Variants in TMEM178B observed in about 807,000 individuals in gnomAD.
TMEM178B encodes transmembrane protein 178B.
TMEM178B carries 5 observed loss-of-function variants against 31.0 expected under a neutral mutation model. The ratio of observed to expected loss-of-function variants is 0.16; its 90% CI spans 0.08 to 0.34. TMEM178B has a LOEUF of 0.34. Among genes scored for constraint, TMEM178B ranks in the 10% least tolerant of loss-of-function variants. TMEM178B has a pLI of 1.00. For synonymous variants in TMEM178B, 164 were observed against 164.0 expected, an observed-to-expected ratio of 1.00 and a Z score of 0.00; for missense variants, 275 against 400.3, an observed-to-expected ratio of 0.69 and a Z score of 2.67.
intron 1 of TMEM178B, among the ~76,000 whole-genome samples, chr7:141,112,304 G>A (rs113588989): frequency 0.016 from 2,429 of 152,192 alleles, 66 homozygotes; most frequent in African/African-American, 0.056. Flanking sequence ...TCATGCTAGA[G>A]TGCAATGGCA....
At chr7:141,311,538 T>C in intron 2 of TMEM178B, among the ~76,000 whole-genome samples, 1 of 152,248 alleles carries the variant, frequency 6.6e-6, no homozygotes, top group East Asian at 1.9e-4. Flanking sequence ...ACAAATTTGT[T>C]TCTCATCTTG....
intron 1 of TMEM178B, among the ~76,000 whole-genome samples, chr7:141,090,617 C>T (rs1357882046): frequency 6.6e-6 from 1 of 152,152 alleles, no homozygotes; most frequent in Non-Finnish European, 1.5e-5. Context: ...TCATGACTTT[C>T]AAAATGAGTG....
At chr7:141,146,279 C>T (rs1487009386) in intron 1 of TMEM178B, among the ~76,000 whole-genome samples, 6 of 152,180 alleles carry the variant, frequency 3.9e-5, no homozygotes, top group Non-Finnish European at 8.8e-5. Context: ...CCCAGAGGGC[C>T]TGTTACTTCC....
In TMEM178B at chr7:141,422,317, C is replaced by T. The variant is rs1342401603; in HGVS notation, c.497-15291C>T. ...TTGGGGTTCCTTTGGGAAAGCTTTG[C>T]AGGAATTGGTGTTGCACCATTGATT... On this transcript the variant is annotated intron_variant, in intron 2 of 3. Coordinates refer to ENST00000565468, the MANE Select transcript of TMEM178B (RefSeq NM_001195278.2). This position sits in a 1 kb window ranked among gnomAD's most constrained non-coding sequence, Gnocchi z 4.2. Among the ~76,000 whole-genome samples the T allele has an allele frequency of 1.3e-5, 2 of 152,186 alleles. No individual in the cohort carries two copies. Among genetic ancestry groups the T allele is most frequent in the Admixed American group, 1.3e-4 (2 of 15,284 alleles).
intron 3 of TMEM178B, among the ~76,000 whole-genome samples, chr7:141,440,880 T>C (rs1338982719): frequency 6.6e-6 from 1 of 152,196 alleles, no homozygotes; most frequent in Admixed American, 6.5e-5. Flanking sequence ...TAAAGCCATG[T>C]CTTCCTGAAA....
chr7:141,100,796 A>G (rs562881287), intron 1 of TMEM178B, among the ~76,000 whole-genome samples: 1 of 152,278 alleles, frequency 6.6e-6, no homozygotes, highest in African/African-American at 2.4e-5. Flanking sequence ...CAATAAACTG[A>G]TTTTCTTATG....
intron 2 of TMEM178B, among the ~76,000 whole-genome samples, chr7:141,433,719 G>T (rs950530556): frequency 1.3e-5 from 2 of 152,152 alleles, no homozygotes; most frequent in African/African-American, 4.8e-5. Context: ...TTTGGATATT[G>T]CTCTCCTCAT....
At chr7:141,224,944 G>A (rs961924340) in intron 2 of TMEM178B, among the ~76,000 whole-genome samples, 1 of 152,206 alleles carries the variant, frequency 6.6e-6, no homozygotes, top group African/African-American at 2.4e-5. Context: ...GGCTCTGGGT[G>A]TATGAGCAAT....
At chr7:141,285,752 G>T (rs988466895) in intron 2 of TMEM178B, among the ~76,000 whole-genome samples, 1 of 152,134 alleles carries the variant, frequency 6.6e-6, no homozygotes, top group Non-Finnish European at 1.5e-5. Context: ...ACCATGGAAT[G>T]CTATACAGCC....
At chr7:141,339,931 A>G (rs1389345057) in intron 2 of TMEM178B, among the ~76,000 whole-genome samples, 1 of 152,270 alleles carries the variant, frequency 6.6e-6, no homozygotes, top group Non-Finnish European at 1.5e-5. Flanking sequence ...TCAGTCTTGG[A>G]GTAAAACCAG....
intron 2 of TMEM178B, among the ~76,000 whole-genome samples, chr7:141,317,255 G>A (rs10254214): frequency 0.17 from 25,710 of 152,138 alleles, 2,514 homozygotes; most frequent in Middle Eastern, 0.23. Context: ...GATGCCTATA[G>A]GGAGGGGACT....
At chr7:141,335,906 G>C (rs1459477401) in intron 2 of TMEM178B, among the ~76,000 whole-genome samples, 1 of 152,096 alleles carries the variant, frequency 6.6e-6, no homozygotes, top group Non-Finnish European at 1.5e-5. Context: ...AAAGGAAGCC[G>C]GGCTCTATGC....
intron 1 of TMEM178B, among the ~76,000 whole-genome samples, chr7:141,075,103 G>C (rs1396523758): frequency 6.6e-6 from 1 of 152,158 alleles, no homozygotes; most frequent in Non-Finnish European, 1.5e-5. Context: ...AGGAAAATTG[G>C]GGGAAACATT....
chr7:141,081,744 GAAGA>G (rs1794690291), intron 1 of TMEM178B, among the ~76,000 whole-genome samples: 1 of 152,094 alleles, frequency 6.6e-6, no homozygotes, highest in Non-Finnish European at 1.5e-5. Context: ...GGTTATTGTT[GAAGA>G]AAGAAAAATA....
chr7:141,281,733 G>T (rs976206263), intron 2 of TMEM178B, among the ~76,000 whole-genome samples: 2 of 152,166 alleles, frequency 1.3e-5, no homozygotes, highest in Admixed American at 6.5e-5. Flanking sequence ...GTTTTCTAGT[G>T]GGGGGAGATA....
At chr7:141,487,701 A>G in the TMEM178B span, among the ~76,000 whole-genome samples, 1 of 136,440 alleles carries the variant, frequency 7.3e-6, no homozygotes, top group Admixed American at 8.3e-5. Flanking sequence ...AGATGGCGCC[A>G]CTGCACTCCA....
chr7:141,096,286 G>A (rs1228713363), intron 1 of TMEM178B, among the ~76,000 whole-genome samples: 1 of 152,206 alleles, frequency 6.6e-6, no homozygotes, highest in Non-Finnish European at 1.5e-5. Flanking sequence ...TGCAGTTAGA[G>A]TTAGGTGTGG....
At chr7:141,119,364 G>A (rs1795372679) in intron 1 of TMEM178B, among the ~76,000 whole-genome samples, 1 of 152,172 alleles carries the variant, frequency 6.6e-6, no homozygotes, top group Non-Finnish European at 1.5e-5. Context: ...GTCAGGCATA[G>A]GCTTGCAAGT....
chr7:141,359,867 A>G (rs1285877277), intron 2 of TMEM178B, among the ~76,000 whole-genome samples: 1 of 152,216 alleles, frequency 6.6e-6, no homozygotes. Context: ...CCTCACAGTT[A>G]TGATGAAAGG....
Sources: allele counts gnomAD v4.1 joint callset (sites outside exome capture counted in the v4.1 genomes callset), GRCh38; gene constraint gnomAD v4.1.1; non-coding constraint Gnocchi (gnomAD v3.1); transcripts MANE v1.5; gene names NCBI Gene and HGNC (gene_info 2026-07-23, HGNC 2026-07-21).